Variants in PEBP4 observed in about 807,000 individuals in gnomAD.
PEBP4 encodes phosphatidylethanolamine binding protein 4.
In PEBP4, 22 loss-of-function variants were observed where a neutral mutation model predicts 23.9. That is an observed-to-expected ratio of 0.92 (90% confidence interval 0.66 to 1.31). The LOEUF (loss-of-function observed/expected upper bound fraction) is 1.31. Among genes scored for constraint, PEBP4 ranks in the 40% most tolerant of loss-of-function variants. PEBP4 has a pLI of 0.00. For missense variants in PEBP4, 324 were observed against 281.7 expected, an observed-to-expected ratio of 1.15 and a Z score of -1.07; for synonymous variants, 112 against 99.3, an observed-to-expected ratio of 1.13 and a Z score of -0.76.
intron 4 of PEBP4, among the ~76,000 whole-genome samples, chr8:22,748,209 G>A (rs564503987): frequency 1.6e-4 from 25 of 152,280 alleles, no homozygotes; most frequent in Admixed American, 1.2e-3. Flanking sequence ...TCTCCAAGAG[G>A]GGGCTGCGCT....
chr8:22,805,805 G>C (rs1408695878), intron 4 of PEBP4, among the ~76,000 whole-genome samples: 1 of 152,028 alleles, frequency 6.6e-6, no homozygotes, highest in Non-Finnish European at 1.5e-5. Context: ...TAAAAAAAAG[G>C]GATTTGATTG....
intron 4 of PEBP4, among the ~76,000 whole-genome samples, chr8:22,811,412 T>C (rs887357801): frequency 1.3e-5 from 2 of 152,232 alleles, no homozygotes; most frequent in Non-Finnish European, 2.9e-5. Context: ...ATATTCCGCT[T>C]TGTAGCAACA....
chr8:22,775,679 A>G lies in PEBP4; in HGVS notation c.357+41958T>C, dbSNP rs917866349. Among the ~76,000 whole-genome samples, 4 of 152,012 alleles carry G rather than the reference A, an allele frequency of 2.6e-5. No individual in the cohort carries two copies. Among genetic ancestry groups the G allele is most frequent in the Non-Finnish European group, 5.9e-5 (4 of 67,972 alleles). On this transcript the variant is annotated intron_variant, in intron 4 of 6. Coordinates refer to ENST00000256404, the MANE Select transcript of PEBP4 (RefSeq NM_144962.3). The surrounding 1 kb of genome is among the most constrained non-coding windows in gnomAD (Gnocchi z 4.8). Reference sequence around the variant, plus strand: ...GCAGCGTCTCTGCGGCATACCAGCAAACCAGAAATTAGCTCCGTTCATCAC... The same window carrying G: ...GCAGCGTCTCTGCGGCATACCAGCAGACCAGAAATTAGCTCCGTTCATCAC...
chr8:22,839,789 GC>G (rs1438344464), intron 3 of PEBP4, among the ~76,000 whole-genome samples: 1 of 152,166 alleles, frequency 6.6e-6, no homozygotes, highest in Non-Finnish European at 1.5e-5. Context: ...CCCACTGCCA[GC>G]TCTTCCACGT....
intron 1 of PEBP4, among the ~76,000 whole-genome samples, chr8:22,939,597 G>T (rs1809582594): frequency 6.6e-6 from 1 of 151,840 alleles, no homozygotes; most frequent in South Asian, 2.1e-4. Context: ...CTCTGTTACA[G>T]GGTATCTGCA....
chr8:22,875,111 G>T (rs933891825), intron 3 of PEBP4, among the ~76,000 whole-genome samples: 1 of 151,710 alleles, frequency 6.6e-6, no homozygotes, highest in Non-Finnish European at 1.5e-5. Context: ...ACTCAGCCTC[G>T]TTAGTGAAAT....
At chr8:22,760,845 G>T (rs923456581) in intron 4 of PEBP4, among the ~76,000 whole-genome samples, 2 of 152,164 alleles carry the variant, frequency 1.3e-5, no homozygotes, top group Admixed American at 6.5e-5. Context: ...CTCTGGCAAA[G>T]GTTCCCCTGA....
At chr8:22,794,277 C>A (rs192351564) in intron 4 of PEBP4, among the ~76,000 whole-genome samples, 200 of 146,766 alleles carry the variant, frequency 1.4e-3, no homozygotes, top group Non-Finnish European at 2.5e-3. Context: ...TTTCAACAAC[C>A]CTGTGAGAGG....
intron 3 of PEBP4, among the ~76,000 whole-genome samples, chr8:22,831,087 C>A (rs1489368301): frequency 6.6e-6 from 1 of 152,256 alleles, no homozygotes; most frequent in East Asian, 1.9e-4. Context: ...GCTCCCTCCC[C>A]ACTCATCACC....
chr8:22,812,020 TA>T (rs1806641103), intron 4 of PEBP4, among the ~76,000 whole-genome samples: 1 of 152,216 alleles, frequency 6.6e-6, no homozygotes, highest in African/African-American at 2.4e-5. Context: ...CGCTGGGAAA[TA>T]GATATTATCA....
intron 4 of PEBP4, among the ~76,000 whole-genome samples, chr8:22,731,950 C>T (rs1804747460): frequency 6.6e-6 from 1 of 151,996 alleles, no homozygotes; most frequent in Non-Finnish European, 1.5e-5. Flanking sequence ...GCTGGGATTA[C>T]AGGCGTGAGC....
At chr8:22,724,017 G>T (rs540606627) in intron 6 of PEBP4, among the ~76,000 whole-genome samples, 190 of 152,356 alleles carry the variant, frequency 1.2e-3, no homozygotes, top group African/African-American at 4.4e-3. Flanking sequence ...CAGCCTGGGG[G>T]ATGTGCTTCT....
intron 3 of PEBP4, among the ~76,000 whole-genome samples, chr8:22,878,524 T>G (rs1467829155): frequency 6.6e-6 from 1 of 152,180 alleles, no homozygotes; most frequent in African/African-American, 2.4e-5. Flanking sequence ...TTGCTGCCTG[T>G]GAGTTACCCT....
intron 3 of PEBP4, among the ~76,000 whole-genome samples, chr8:22,861,464 C>A (rs1361313296): frequency 6.6e-6 from 1 of 152,206 alleles, no homozygotes; most frequent in Non-Finnish European, 1.5e-5. Context: ...AGGCTACACA[C>A]CTTACCCGCT....
intron 6 of PEBP4, among the ~76,000 whole-genome samples, chr8:22,716,793 G>T (rs899684477): frequency 2.6e-5 from 4 of 152,226 alleles, no homozygotes; most frequent in Admixed American, 2.6e-4. Context: ...CGGCTCCCCT[G>T]CCAGAAGTGC....
intron 3 of PEBP4, among the ~76,000 whole-genome samples, chr8:22,915,770 G>A (rs2128779830): frequency 6.6e-6 from 1 of 152,310 alleles, no homozygotes; most frequent in South Asian, 2.1e-4. Flanking sequence ...TGTTCTTCTA[G>A]AATTGCTGTG....
chr8:22,880,074 C>T, intron 3 of PEBP4, among the ~76,000 whole-genome samples: 1 of 152,160 alleles, frequency 6.6e-6, no homozygotes, highest in East Asian at 1.9e-4. Flanking sequence ...TAGCTCTACC[C>T]AAAGTGGGGC....
chr8:22,852,292 T>C (rs1807566990), intron 3 of PEBP4, among the ~76,000 whole-genome samples: 2 of 152,064 alleles, frequency 1.3e-5, no homozygotes. Context: ...AAGAACTGAG[T>C]TTCTTGTTCT....
At chr8:22,890,061 A>G (rs141693990) in intron 3 of PEBP4, among the ~76,000 whole-genome samples, 67 of 152,360 alleles carry the variant, frequency 4.4e-4, no homozygotes, top group African/African-American at 1.6e-3. Context: ...TGAGGAGAAC[A>G]TGAGCCAGTA....
Sources: gnomAD v4.1 joint callset for allele counts (sites outside exome capture counted in the v4.1 genomes callset) on GRCh38, gnomAD v4.1.1 for gene constraint, Gnocchi (gnomAD v3.1) non-coding constraint, MANE v1.5 for transcripts, NCBI Gene and HGNC (gene_info 2026-07-23, HGNC 2026-07-21) for gene names.